Variants in BCR observed in about 807,000 individuals in gnomAD.
BCR encodes BCR activator of RhoGEF and GTPase.
In BCR, 58 loss-of-function variants were observed where a neutral mutation model predicts 138.6. That is an observed-to-expected ratio of 0.42 (90% CI 0.34 to 0.52). BCR has a LOEUF of 0.52. Ranked by LOEUF, BCR falls within the 20% of genes least tolerant of loss-of-function variation. The pLI, the probability that BCR is intolerant of heterozygous loss-of-function variation, is 0.06. For synonymous variants in BCR, 786 were observed against 730.1 expected, an observed-to-expected ratio of 1.08 and a Z score of -1.23; for missense variants, 1,599 against 1,727.2, an observed-to-expected ratio of 0.93 and a Z score of 1.32.
intron 16 of BCR, among the ~76,000 whole-genome samples, chr22:23,303,931 C>CTTTTTTTTTTTTTTTT (rs131683): frequency 9.4e-6 from 1 of 106,176 alleles, no homozygotes; most frequent in Non-Finnish European, 1.8e-5. Context: ...TCCTTGTTGC[C>CTTTTTTTTTTTTTTTT]TTTTTTTTTT....
intron 2 of BCR, among the ~76,000 whole-genome samples, chr22:23,256,418 G>T (rs1464569742): frequency 6.6e-6 from 1 of 152,078 alleles, no homozygotes; most frequent in Non-Finnish European, 1.5e-5. Context: ...ATTCACACAG[G>T]CTGGCCTGTT....
intron 1 of BCR, among the ~76,000 whole-genome samples, chr22:23,250,164 G>GGAACCCGAATCT (rs1466998335): frequency 2.0e-5 from 3 of 152,282 alleles, no homozygotes. Context: ...GCAAGCCCTG[G>GGAACCCGAATCT]GACCCCGAAT....
intron 1 of BCR, among the ~76,000 whole-genome samples, chr22:23,208,976 G>T (rs2072649046): frequency 1.3e-5 from 2 of 152,182 alleles, no homozygotes; most frequent in Admixed American, 1.3e-4. Context: ...CATATGAGTG[G>T]ATTCATATAG....
At chr22:23,284,943 A>T (rs2073693411) in intron 9 of BCR, 90 bp from the exon 10 acceptor site, 2 of 1,443,248 alleles carry the variant, frequency 1.4e-6, no homozygotes, top group Non-Finnish European at 1.9e-6. Flanking sequence ...TGTATGGCCG[A>T]GAACACTGGC....
intron 6 of BCR, among the ~76,000 whole-genome samples, chr22:23,272,738 C>T (rs528539866): frequency 1.3e-5 from 2 of 152,278 alleles, no homozygotes; most frequent in Admixed American, 1.3e-4. Context: ...GAGCAGGTCT[C>T]CCTCCAGAAT....
intron 1 of BCR, among the ~76,000 whole-genome samples, chr22:23,189,888 C>T (rs1432988355): frequency 6.6e-6 from 1 of 152,200 alleles, no homozygotes; most frequent in Non-Finnish European, 1.5e-5. Context: ...TTAGCAATGG[C>T]GATCTTCCCT....
intron 1 of BCR, among the ~76,000 whole-genome samples, chr22:23,185,590 G>A (rs3788357): frequency 0.25 from 38,347 of 151,066 alleles, 5,021 homozygotes; most frequent in East Asian, 0.35. Context: ...GCGTGAACTA[G>A]GGGAGGCGGA....
At chr22:23,248,699 C>T (rs2073185388) in intron 1 of BCR, among the ~76,000 whole-genome samples, 1 of 152,154 alleles carries the variant, frequency 6.6e-6, no homozygotes, top group Non-Finnish European at 1.5e-5. Context: ...CACTGGACTT[C>T]CTCTCCCCAG....
intron 1 of BCR, among the ~76,000 whole-genome samples, chr22:23,205,916 T>C (rs1014521199): frequency 4.6e-5 from 7 of 152,188 alleles, no homozygotes; most frequent in Non-Finnish European, 1.0e-4. Flanking sequence ...TGCCTCCAAA[T>C]GCCTGGTGGT....
chr22:23,230,256 T>C (rs1282263799), intron 1 of BCR, among the ~76,000 whole-genome samples: 2 of 152,210 alleles, frequency 1.3e-5, no homozygotes, highest in African/African-American at 4.8e-5. Flanking sequence ...AATTTGTACC[T>C]GTGGATAGTG....
chr22:23,250,606 G>A (rs2073213753), intron 1 of BCR, among the ~76,000 whole-genome samples: 2 of 152,210 alleles, frequency 1.3e-5, no homozygotes, highest in Non-Finnish European at 2.9e-5. Context: ...AGTCTGGAGG[G>A]TCATGGGGTG....
At chr22:23,224,797 G>C (rs910907525) in intron 1 of BCR, among the ~76,000 whole-genome samples, 1 of 152,048 alleles carries the variant, frequency 6.6e-6, no homozygotes, top group Non-Finnish European at 1.5e-5. Flanking sequence ...CAGGATAATC[G>C]CTTGAACCCA....
At chr22:23,210,838 A>T (rs1446663455) in intron 1 of BCR, among the ~76,000 whole-genome samples, 1 of 152,168 alleles carries the variant, frequency 6.6e-6, no homozygotes, top group Non-Finnish European at 1.5e-5. Context: ...ATTACCGAGG[A>T]TTATTTCATC....
At chr22:23,280,499 C>T (rs1386105838) in intron 8 of BCR, among the ~76,000 whole-genome samples, 4 of 152,202 alleles carry the variant, frequency 2.6e-5, no homozygotes, top group African/African-American at 9.7e-5. Context: ...CTGCAGAGGA[C>T]ATGGCGAAGG....
At chr22:23,263,832 TTA>T in intron 4 of BCR, 6 of 1,110,880 alleles carry the variant, frequency 5.4e-6, no homozygotes, top group African/African-American at 1.5e-5. Context: ...GGGGTAGTGT[TTA>T]TACACCATCC....
At chr22:23,206,390 C>A (rs148381125) in intron 1 of BCR, among the ~76,000 whole-genome samples, 1 of 152,086 alleles carries the variant, frequency 6.6e-6, no homozygotes, top group Non-Finnish European at 1.5e-5. Flanking sequence ...CTGGCTTACA[C>A]GGTGAAACCA....
chr22:23,245,366 C>G (rs547904264), intron 1 of BCR, among the ~76,000 whole-genome samples: 123 of 152,258 alleles, frequency 8.1e-4, no homozygotes, highest in Non-Finnish European at 1.3e-3. Context: ...TGACCTCTCT[C>G]TACCCGGGCA....
chr22:23,222,257 T>C (rs916342211), intron 1 of BCR, among the ~76,000 whole-genome samples: 2 of 152,212 alleles, frequency 1.3e-5, no homozygotes, highest in Non-Finnish European at 2.9e-5. Context: ...GCTCAGTTAA[T>C]GCTTGCAGAG....
At chr22:23,263,388 C>CT (rs750901605) in intron 4 of BCR, 8 of 1,254,788 alleles carry the variant, frequency 6.4e-6, no homozygotes, top group Non-Finnish European at 9.3e-6. Context: ...CGGCACCAAC[C>CT]TGATGACCAG....
Sources: allele counts gnomAD v4.1 joint callset (sites outside exome capture counted in the v4.1 genomes callset), GRCh38; gene constraint gnomAD v4.1.1; transcripts MANE v1.5; gene names NCBI Gene and HGNC (gene_info 2026-07-23, HGNC 2026-07-21).